The following PCDHGA7 variants were observed in gnomAD, a reference collection of about 807,000 sequenced individuals.
PCDHGA7 encodes protocadherin gamma subfamily A, 7, also known as protocadherin gamma-A7.
In PCDHGA7, 44 loss-of-function variants were observed where a neutral mutation model predicts 58.3. The ratio of observed to expected loss-of-function variants is 0.75; its 90% CI spans 0.59 to 0.97. The LOEUF is 0.97. Among genes scored for constraint, PCDHGA7 ranks in the 50% least tolerant of loss-of-function variants. The pLI, the probability that PCDHGA7 is intolerant of heterozygous loss-of-function variation, is 0.00. For synonymous variants in PCDHGA7, 516 were observed against 504.2 expected (o/e 1.02, Z -0.31); for missense variants, 1,266 against 1,188.7 (o/e 1.06, Z -0.96).
chr5:141,448,834 A>G (rs910945659), intron 1 of PCDHGA7, among the ~76,000 whole-genome samples: 2 of 151,780 alleles, frequency 1.3e-5, no homozygotes, highest in African/African-American at 4.8e-5. Context: ...AGTCCCAGCT[A>G]CTCTGGAGGC....
rs747585516 is a variant in PCDHGA7, at chr5:141,409,120, A to G, written c.2424+23797A>G. ...CAGGTATGATTAAGAATAACCAGTC[A>G]TTTGATTTTGAAGATGTAGAAAGGT... On this transcript the variant is annotated intron_variant, in intron 1 of 3. Transcript: ENST00000518325. 6 of 1,613,844 alleles carry G rather than the reference A, an allele frequency of 3.7e-6. No homozygotes were observed. The African/African-American group carries it at 8.0e-5, about 22-fold the overall frequency.
At chr5:141,467,005 G>A (rs1365805332) in intron 1 of PCDHGA7, among the ~76,000 whole-genome samples, 3 of 150,724 alleles carry the variant, frequency 2.0e-5, no homozygotes, top group Non-Finnish European at 4.4e-5. Flanking sequence ...TTTTTGCAAT[G>A]CAATTTTTTT....
chr5:141,483,445 C>T (rs1332037230), intron 1 of PCDHGA7, among the ~76,000 whole-genome samples: 1 of 152,106 alleles, frequency 6.6e-6, no homozygotes, highest in Admixed American at 6.5e-5. Context: ...ACAATAAAAT[C>T]ATCAGGACTT....
rs995968509 is a variant in PCDHGA7, at chr5:141,477,065, C to T, written c.2425-17742C>T. ...TCGGCTGGACTTCGAGGACACCAAA[C>T]TCCATGAGATTTACATCCAGGCCAA... On this transcript the variant is annotated intron_variant, in intron 1 of 3. Coordinates refer to ENST00000518325, the MANE Select transcript of PCDHGA7 (RefSeq NM_018920.4). The surrounding 1 kb of genome is among the most constrained non-coding windows in gnomAD (Gnocchi z 4.9). 15 of 1,614,144 alleles carry T rather than the reference C, an allele frequency of 9.3e-6. No homozygotes were observed. The highest frequency in any genetic ancestry group is 3.3e-5 in the Admixed American group (2 of 60,018).
rs114776679 is a variant in PCDHGA7, at chr5:141,400,351, G to A, written c.2424+15028G>A. The A allele has an allele frequency of 1.1e-3, 1,779 of 1,614,070 alleles. 15 individuals are homozygous for A. The African/African-American group carries it at 0.021, about 19-fold the overall frequency. On this transcript the variant is annotated intron_variant, in intron 1 of 3. Coordinates refer to ENST00000518325, the MANE Select transcript of PCDHGA7 (RefSeq NM_018920.4). ...TGTGGTTCCCCCCAACTACAGTCAG[G>A]GGACTTTGCCTTATTCCTACAACCT...
intron 1 of PCDHGA7, chr5:141,421,585 G>A: frequency 1.2e-6 from 2 of 1,613,916 alleles, no homozygotes; most frequent in Non-Finnish European, 1.7e-6. Context: ...GATTTACGGA[G>A]TGGAGGTGGA....
At chr5:141,478,020 A>G (rs1315422039) in intron 1 of PCDHGA7, 2 of 1,613,976 alleles carry the variant, frequency 1.2e-6, no homozygotes, top group Non-Finnish European at 1.7e-6. Flanking sequence ...CGTCCAGTCC[A>G]AGACACAGAT....
intron 1 of PCDHGA7, chr5:141,409,740 T>C: frequency 6.2e-7 from 1 of 1,612,820 alleles, no homozygotes; most frequent in Non-Finnish European, 8.5e-7. Context: ...CAGAGCGGGG[T>C]GGTGTTCGCG....
chr5:141,505,694 G>A, intron 3 of PCDHGA7, among the ~76,000 whole-genome samples: 1 of 152,208 alleles, frequency 6.6e-6, no homozygotes, highest in East Asian at 1.9e-4. Flanking sequence ...GCCTGGAGGA[G>A]AGCGAACAAG....
intron 1 of PCDHGA7, chr5:141,421,791 TG>T (rs1561796446): frequency 6.2e-7 from 1 of 1,613,792 alleles, no homozygotes; most frequent in Non-Finnish European, 8.5e-7. Flanking sequence ...GCAGAACGGA[TG>T]GGGCCAAGAA....
chr5:141,489,864 T>G lies in PCDHGA7; in HGVS notation c.2425-4943T>G, dbSNP rs1274301673. ...TGGATCGTGAAGCCCAGGCAAGACA[T>G]CAGCTGGTGCTTACTGCTGTGGATG... On this transcript the variant is annotated intron_variant, in intron 1 of 3. Coordinates refer to ENST00000518325, the MANE Select transcript of PCDHGA7 (RefSeq NM_018920.4). This position sits in a 1 kb window ranked among gnomAD's most constrained non-coding sequence, Gnocchi z 4.5. 5 of 1,614,064 alleles carry G rather than the reference T, an allele frequency of 3.1e-6. No individual in the cohort carries two copies. The highest frequency in any genetic ancestry group is 3.4e-6 in the Non-Finnish European group (4 of 1,180,022).
intron 1 of PCDHGA7, among the ~76,000 whole-genome samples, chr5:141,472,015 T>C (rs2099269555): frequency 6.6e-6 from 1 of 152,164 alleles, no homozygotes; most frequent in African/African-American, 2.4e-5. Flanking sequence ...AGGGGCACTA[T>C]ATTGTATGTA....
chr5:141,422,643 C>T, intron 1 of PCDHGA7: 1 of 1,612,336 alleles, frequency 6.2e-7, no homozygotes, highest in Non-Finnish European at 8.5e-7. Flanking sequence ...GTGCCTCCAT[C>T]TTCTCAGTGA....
At chr5:141,507,262 G>A (rs1294679320) in intron 3 of PCDHGA7, 6 of 151,748 alleles carry the variant, frequency 4.0e-5, no homozygotes, top group Non-Finnish European at 8.8e-5. Flanking sequence ...TAAACAGCAA[G>A]TACTATTTCA....
At chr5:141,419,723 C>G (rs373666366) in intron 1 of PCDHGA7, 1 of 1,613,174 alleles carries the variant, frequency 6.2e-7, no homozygotes, top group African/African-American at 1.3e-5. Context: ...CCTGGGGCTG[C>G]GAACAGGCGA....
rs11952292 is a variant in PCDHGA7 at position 141,491,682 on chromosome 5, G to T, written c.2425-3125G>T. The T allele has an allele frequency of 0.072, 115,891 of 1,613,112 alleles. 4,572 individuals carry two copies. The highest frequency in any genetic ancestry group is 0.11 in the South Asian group (9,996 of 91,042). ...ACGCCATCCGGTCCCGCTCTAATAC[G>T]CTGCGGGAGCGGAGCCAGGTGAGGG... On this transcript the variant is annotated intron_variant, in intron 1 of 3. Coordinates refer to ENST00000518325, the MANE Select transcript of PCDHGA7 (RefSeq NM_018920.4). The surrounding 1 kb of genome is among the most constrained non-coding windows in gnomAD (Gnocchi z 6.9).
intron 1 of PCDHGA7, chr5:141,399,067 G>A (rs774399021): frequency 4.3e-6 from 7 of 1,613,834 alleles, no homozygotes; most frequent in African/African-American, 1.3e-5. Context: ...ATATTCAATG[G>A]TTGTAGAAGG....
At chr5:141,506,172 TG>T (rs2099850913) in intron 3 of PCDHGA7, among the ~76,000 whole-genome samples, 1 of 152,128 alleles carries the variant, frequency 6.6e-6, no homozygotes, top group South Asian at 2.1e-4. Flanking sequence ...CAGCCTAAGC[TG>T]GGCGTGGTGG....
intron 1 of PCDHGA7, chr5:141,433,267 C>T (rs1462399366): frequency 7.7e-7 from 1 of 1,305,096 alleles, no homozygotes; most frequent in Non-Finnish European, 1.1e-6. Context: ...GATCATAGCT[C>T]ACTGCAGCCT....
Sources: gnomAD v4.1 joint callset for allele counts (sites outside exome capture counted in the v4.1 genomes callset) on GRCh38, gnomAD v4.1.1 for gene constraint, Gnocchi (gnomAD v3.1) non-coding constraint, MANE v1.5 for transcripts, NCBI Gene and HGNC (gene_info 2026-07-23, HGNC 2026-07-21) for gene names.